Variants in TEX264 observed in about 807,000 individuals in gnomAD.
TEX264 encodes the protein testis expressed 264, ER-phagy receptor, also known as testis-expressed protein 264.
A neutral mutation model predicts 23.4 loss-of-function variants in TEX264; 13 were observed. That is an observed-to-expected ratio of 0.56 (90% confidence interval 0.36 to 0.88). The LOEUF (loss-of-function observed/expected upper bound fraction) is 0.88. Ranked by LOEUF, TEX264 falls within the 40% of genes least tolerant of loss-of-function variation. The probability of loss-of-function intolerance (pLI) is 0.01; values close to 1 mark genes in which losing one functional copy is unlikely to be tolerated. For synonymous variants in TEX264, 159 were observed against 170.0 expected (o/e 0.94, Z 0.50); for missense variants, 340 against 406.8 (o/e 0.84, Z 1.41).
At chr3:51,702,630 A>G (rs148656341) in intron 4 of TEX264, among the ~76,000 whole-genome samples, 1,653 of 152,248 alleles carry the variant, frequency 0.011, 43 homozygotes, top group African/African-American at 0.037. Context: ...AAGCTGGCTA[A>G]CCCCTCACCT....
chr3:51,684,340 A>G, intron 2 of TEX264, 73 bp from the exon 3 acceptor site: 2 of 1,393,570 alleles, frequency 1.4e-6, no homozygotes, highest in Non-Finnish European at 2.0e-6. Flanking sequence ...GATCTGGCAC[A>G]GTCCCAGGAG....
At chr3:51,673,509 T>A (rs567416258) in intron 1 of TEX264, among the ~76,000 whole-genome samples, 1 of 152,376 alleles carries the variant, frequency 6.6e-6, no homozygotes, top group East Asian at 1.9e-4. Flanking sequence ...TTCCTCTTAC[T>A]ACTCACTGTT....
chr3:51,684,187 T>G, intron 2 of TEX264: 75 of 539,578 alleles, frequency 1.4e-4, no homozygotes, highest in Non-Finnish European at 1.5e-4. Context: ...GGGCATGGCA[T>G]GTTTGTTGAA....
intron 4 of TEX264, among the ~76,000 whole-genome samples, chr3:51,700,367 C>T (rs1326263979): frequency 1.3e-5 from 2 of 152,058 alleles, no homozygotes; most frequent in Non-Finnish European, 2.9e-5. Context: ...AGATGCTCTG[C>T]CCATCCAGTC....
Position 51,699,396 on chromosome 3 carries a change from C to G in TEX264, c.481-10C>G, listed in dbSNP as rs772366823. On this transcript the variant is annotated splice_polypyrimidine_tract_variant and intron_variant, in intron 3 of 4. Coordinates refer to ENST00000341333, the MANE Select transcript of TEX264 (RefSeq NM_015926.6). ...AGGGCTCATTCTACCTTTTGCCACT[C>G]TCTGACTAGGAGCGGAAGCTGTGTG... The G allele has an allele frequency of 8.7e-6, 14 of 1,612,354 alleles. No individual in the cohort carries two copies. The African/African-American group carries it at 1.6e-4, about 18-fold the overall frequency.
At chr3:51,699,841 G>A (rs1314125690) in intron 4 of TEX264, among the ~76,000 whole-genome samples, 4 of 152,174 alleles carry the variant, frequency 2.6e-5, no homozygotes, top group African/African-American at 9.7e-5. Flanking sequence ...ATTCCCTCCA[G>A]ATGCAGCAGG....
At chr3:51,702,899 T>G (rs935304644) in intron 4 of TEX264, among the ~76,000 whole-genome samples, 1 of 152,178 alleles carries the variant, frequency 6.6e-6, no homozygotes, top group Non-Finnish European at 1.5e-5. Flanking sequence ...GCCATCAACC[T>G]GGCTCAGCAC....
chr3:51,685,401 T>C (rs1373406741), intron 3 of TEX264, among the ~76,000 whole-genome samples: 1 of 152,230 alleles, frequency 6.6e-6, no homozygotes, highest in African/African-American at 2.4e-5. Context: ...GAATGAAACG[T>C]TGGTGCATGA....
chr3:51,699,260 G>A (rs780465153), intron 3 of TEX264, 146 bp from the exon 4 acceptor site: 6 of 760,118 alleles, frequency 7.9e-6, no homozygotes, highest in Non-Finnish European at 1.3e-5. Flanking sequence ...GCCTCCCTCA[G>A]CAGGGCTTTG....
At chr3:51,680,105 G>C (rs1702370888) in intron 2 of TEX264, among the ~76,000 whole-genome samples, 1 of 152,198 alleles carries the variant, frequency 6.6e-6, no homozygotes, top group African/African-American at 2.4e-5. Context: ...CTGGGTCAGT[G>C]GGCTGGCATG....
At chr3:51,694,081 G>GTCCTTCCTTCCTTCCTTCCTTCCT (rs1194968123) in intron 3 of TEX264, among the ~76,000 whole-genome samples, 30 of 56,746 alleles carry the variant, frequency 5.3e-4, no homozygotes, top group Non-Finnish European at 7.8e-4. Context: ...CCTTCCTTCC[G>GTCCTTCCTTCCTTCCTTCCTTCCT]TCCGTCCTTC....
intron 4 of TEX264, among the ~76,000 whole-genome samples, chr3:51,700,879 C>T (rs1357072316): frequency 6.6e-6 from 1 of 152,148 alleles, no homozygotes; most frequent in Non-Finnish European, 1.5e-5. Flanking sequence ...AGGGCCTGTC[C>T]TGACACCCCA....
chr3:51,702,547 G>T (rs1227580586), intron 4 of TEX264, among the ~76,000 whole-genome samples: 1 of 152,198 alleles, frequency 6.6e-6, no homozygotes, highest in Non-Finnish European at 1.5e-5. Context: ...AAAGCCCCAG[G>T]CTGAGTCCAG....
intron 4 of TEX264, among the ~76,000 whole-genome samples, chr3:51,700,922 C>T (rs1415341059): frequency 6.6e-6 from 1 of 152,188 alleles, no homozygotes; most frequent in Non-Finnish European, 1.5e-5. Context: ...CAGGTGCATG[C>T]CACTGACACA....
chr3:51,701,005 G>A (rs1007700669), intron 4 of TEX264, among the ~76,000 whole-genome samples: 1 of 152,230 alleles, frequency 6.6e-6, no homozygotes, highest in Non-Finnish European at 1.5e-5. Flanking sequence ...CCTCCCTGCT[G>A]TGGCCCTAGC....
chr3:51,672,170 C>T (rs1391435264), intron 1 of TEX264: 1 of 152,284 alleles, frequency 6.6e-6, no homozygotes, highest in Non-Finnish European at 1.5e-5. Context: ...GGACGGTAAT[C>T]AGGGCATGAT....
At chr3:51,698,682 A>G (rs961745672) in intron 3 of TEX264, among the ~76,000 whole-genome samples, 1 of 152,130 alleles carries the variant, frequency 6.6e-6, no homozygotes, top group African/African-American at 2.4e-5. Context: ...TGCTAGATCT[A>G]CTTGTCCTAC....
chr3:51,672,877 CATT>C (rs1702097477), intron 1 of TEX264, among the ~76,000 whole-genome samples: 2 of 152,138 alleles, frequency 1.3e-5, no homozygotes, highest in South Asian at 4.1e-4. Context: ...GATTTCTCAT[CATT>C]ATCAAAGAAA....
At chr3:51,693,061 G>A (rs1415443750) in intron 3 of TEX264, among the ~76,000 whole-genome samples, 1 of 152,238 alleles carries the variant, frequency 6.6e-6, no homozygotes, top group East Asian at 1.9e-4. Flanking sequence ...CCATGTGCCT[G>A]CTTAGAGGGA....
Sources: allele counts gnomAD v4.1 joint callset (sites outside exome capture counted in the v4.1 genomes callset), GRCh38; gene constraint gnomAD v4.1.1; transcripts MANE v1.5; gene names NCBI Gene and HGNC (gene_info 2026-07-23, HGNC 2026-07-21).